GRID2: variants seen among roughly 807,000 people sequenced by gnomAD.
The protein encoded by GRID2 is glutamate receptor ionotropic, delta-2.
A neutral mutation model predicts 114.8 loss-of-function variants in GRID2; 33 were observed. The ratio of observed to expected loss-of-function variants is 0.29; its 90% confidence interval spans 0.22 to 0.38. The LOEUF (loss-of-function observed/expected upper bound fraction) is 0.38, where lower values mean the gene tolerates loss of function less well. Ranked by LOEUF, GRID2 falls within the 10% of genes least tolerant of loss-of-function variation. The probability of loss-of-function intolerance (pLI) is 1.00; values close to 1 mark genes in which losing one functional copy is unlikely to be tolerated. For missense variants in GRID2, 1,184 were observed against 1,257.7 expected (o/e 0.94, Z 0.89); for synonymous variants, 505 against 449.9 (o/e 1.12, Z -1.55).
In GRID2 at chr4:93,598,165, G is replaced by C. The variant is rs143417936; in HGVS notation, c.2194-28104G>C. 6.9e-4 allele frequency among the ~76,000 whole-genome samples: 105 copies of C among 152,312 alleles called. 1 individual carries two copies. The East Asian group carries it at 0.019, about 27-fold the overall frequency. On this transcript the variant is annotated intron_variant, in intron 13 of 15. Coordinates refer to ENST00000282020, the MANE Select transcript of GRID2 (RefSeq NM_001510.4). ...GTTAACACAGTCTAATAAGAGGAAT[G>C]TCAGATTTCACATTTCACACCCGGG...
At chr4:93,414,231 C>T (rs1404064828) in intron 9 of GRID2, among the ~76,000 whole-genome samples, 1 of 152,142 alleles carries the variant, frequency 6.6e-6, no homozygotes, top group Non-Finnish European at 1.5e-5. Context: ...CAAAAGGCTC[C>T]TAATTGATCT....
At position 92,939,267 on chromosome 4, in the gene GRID2, G is replaced by T. The variant is rs535551599; in HGVS notation, c.245-145728G>T. 1.9e-3 allele frequency among the ~76,000 whole-genome samples: 274 copies of T among 147,110 alleles called. 12 individuals carry two copies. The highest frequency in any genetic ancestry group is 5.3e-3 in the African/African-American group (220 of 41,276). ...TTAATGATTGCCATTCTAACTGGTG[G>T]GAGATGATATCTCATTGTGGTTTTG... On this transcript the variant is annotated intron_variant, in intron 2 of 15. Transcript: ENST00000282020.
At chr4:92,466,017 T>A (rs1025338026) in intron 1 of GRID2, among the ~76,000 whole-genome samples, 10 of 151,792 alleles carry the variant, frequency 6.6e-5, no homozygotes, top group African/African-American at 2.4e-4. Flanking sequence ...TGACATATAA[T>A]AATTGCACAT....
intron 14 of GRID2, among the ~76,000 whole-genome samples, chr4:93,707,494 G>T (rs2110157076): frequency 6.6e-6 from 1 of 152,058 alleles, no homozygotes; most frequent in Admixed American, 6.5e-5. Flanking sequence ...GCATATAGTT[G>T]CTCATAGTAG....
chr4:92,411,013 A>T (rs1285464822), intron 1 of GRID2, among the ~76,000 whole-genome samples: 1 of 152,132 alleles, frequency 6.6e-6, no homozygotes, highest in East Asian at 1.9e-4. Flanking sequence ...ACTGGTTTTC[A>T]TCATGTTTTT....
intron 1 of GRID2, among the ~76,000 whole-genome samples, chr4:92,501,284 G>A (rs1324933141): frequency 6.6e-6 from 1 of 152,168 alleles, no homozygotes; most frequent in South Asian, 2.1e-4. Flanking sequence ...CATCTGTGAG[G>A]GGGCAGGTTA....
chr4:93,728,944 T>G (rs1371635321), intron 14 of GRID2, among the ~76,000 whole-genome samples: 1 of 152,206 alleles, frequency 6.6e-6, no homozygotes, highest in African/African-American at 2.4e-5. Flanking sequence ...TTTTCCAGTT[T>G]GCCAGTCTGT....
chr4:92,916,625 C>T (rs1748821511), intron 2 of GRID2, among the ~76,000 whole-genome samples: 1 of 151,888 alleles, frequency 6.6e-6, no homozygotes, highest in South Asian at 2.1e-4. Flanking sequence ...GTTTTTTGTC[C>T]TTGTGATAGT....
intron 2 of GRID2, among the ~76,000 whole-genome samples, chr4:93,056,527 T>C (rs1418949575): frequency 1.3e-5 from 2 of 151,824 alleles, no homozygotes; most frequent in Non-Finnish European, 2.9e-5. Flanking sequence ...TGAAACAAGG[T>C]CTTCTAATGC....
chr4:93,723,300 A>G (rs1433610980), intron 14 of GRID2, among the ~76,000 whole-genome samples: 3 of 152,262 alleles, frequency 2.0e-5, no homozygotes, highest in Non-Finnish European at 4.4e-5. Flanking sequence ...ATACTTAATA[A>G]TTTTTGAGAA....
chr4:93,048,164 C>T (rs548208883), intron 2 of GRID2, among the ~76,000 whole-genome samples: 54 of 152,058 alleles, frequency 3.6e-4, no homozygotes, highest in Non-Finnish European at 7.5e-4. Context: ...CACGTGTGCC[C>T]CACTGTCAGC....
intron 1 of GRID2, among the ~76,000 whole-genome samples, chr4:92,571,352 A>G (rs1158560587): frequency 6.6e-6 from 1 of 152,142 alleles, no homozygotes; most frequent in Non-Finnish European, 1.5e-5. Flanking sequence ...ATATATATGC[A>G]CCCAATACAG....
chr4:93,669,184 G>A (rs11735510), intron 14 of GRID2, among the ~76,000 whole-genome samples: 85,548 of 151,676 alleles, frequency 0.56, 25,469 homozygotes, highest in African/African-American at 0.77. Context: ...AGACATACAG[G>A]AAGCCTCTGA....
At chr4:93,000,797 G>A (rs983019600) in intron 2 of GRID2, among the ~76,000 whole-genome samples, 44 of 87,182 alleles carry the variant, frequency 5.0e-4, no homozygotes, top group Non-Finnish European at 5.0e-4. Flanking sequence ...AGACACTGGG[G>A]ACTCTAAAAT....
At chr4:92,720,770 T>C (rs1735774468) in intron 2 of GRID2, among the ~76,000 whole-genome samples, 1 of 152,056 alleles carries the variant, frequency 6.6e-6, no homozygotes, top group Admixed American at 6.6e-5. Flanking sequence ...GCCATCACTA[T>C]TCAAAAATTG....
chr4:93,738,169 T>C (rs1052255268), intron 14 of GRID2, among the ~76,000 whole-genome samples: 12 of 152,094 alleles, frequency 7.9e-5, no homozygotes, highest in African/African-American at 2.2e-4. Flanking sequence ...CTGGAAGAGA[T>C]TGGCAAACCC....
At chr4:93,023,222 A>G (rs1188753968) in intron 2 of GRID2, among the ~76,000 whole-genome samples, 1 of 151,670 alleles carries the variant, frequency 6.6e-6, no homozygotes, top group Non-Finnish European at 1.5e-5. Context: ...ACCATTTTTA[A>G]TTAATGACAT....
intron 13 of GRID2, among the ~76,000 whole-genome samples, chr4:93,598,929 T>C (rs1231575928): frequency 6.6e-6 from 1 of 152,340 alleles, no homozygotes; most frequent in South Asian, 2.1e-4. Flanking sequence ...CTTCAAGGCA[T>C]AGAACAAAAC....
At chr4:92,887,952 ATC>A (rs1271064210) in intron 2 of GRID2, among the ~76,000 whole-genome samples, 5 of 152,300 alleles carry the variant, frequency 3.3e-5, no homozygotes, top group African/African-American at 1.2e-4. Flanking sequence ...GTTTCTATAC[ATC>A]TGTTTCCTAG....
Sources: gnomAD v4.1 joint callset for allele counts (sites outside exome capture counted in the v4.1 genomes callset) on GRCh38, gnomAD v4.1.1 for gene constraint, MANE v1.5 for transcripts, NCBI Gene and HGNC (gene_info 2026-07-23, HGNC 2026-07-21) for gene names.